Variants in SSU72 observed in about 807,000 individuals in gnomAD.
SSU72 encodes the protein SSU72 homolog, RNA polymerase II CTD phosphatase.
In SSU72, 12 loss-of-function variants were observed where a neutral mutation model predicts 22.7. The observed-to-expected ratio is 0.53, with a 90% CI of 0.34 to 0.86. SSU72 has a LOEUF of 0.86. SSU72 is among the 40% of genes least tolerant of loss of function. The pLI is 0.02. For missense variants in SSU72, 151 were observed against 249.8 expected (o/e 0.60, Z 2.67); for synonymous variants, 116 against 98.3 (o/e 1.18, Z -1.06).
chr1:1,542,223 C>G lies in SSU72; in HGVS notation c.484-56G>C, dbSNP rs1557492937. The G allele has an allele frequency of 1.3e-6, 2 of 1,511,608 alleles. No homozygotes were observed. Among genetic ancestry groups the G allele is most frequent in the African/African-American group, 2.8e-5 (2 of 72,306 alleles). The allele number at this position is 1,511,608 out of a possible 1,614,324, so 93.6% of individuals were successfully genotyped here. ...GCCCACTCCTGCCTGTCTGCTCCCC[C>G]TAACACCTGGATCGCCAGGGAAACG... On this transcript the variant is annotated intron_variant, in intron 4 of 4. Coordinates refer to ENST00000291386, the MANE Select transcript of SSU72 (RefSeq NM_014188.3). This position sits in a 1 kb window ranked among gnomAD's most constrained non-coding sequence, Gnocchi z 4.4.
intron 3 of SSU72, 71 bp downstream of exon 3, chr1:1,544,792 G>C: frequency 1.9e-6 from 3 of 1,605,978 alleles, no homozygotes; most frequent in Non-Finnish European, 2.6e-6. Flanking sequence ...GGTCATGGTG[G>C]GGCCCTGCAG....
intron 4 of SSU72, 144 bp downstream of exon 4, chr1:1,543,725 C>CCTCTGTCATGGCCTCGGCCACTCCCCA (rs79833722): frequency 2.5e-6 from 1 of 393,404 alleles, no homozygotes. Context: ...CGGCCACTCC[C>CCTCTGTCATGGCCTCGGCCACTCCCCA]CTGTCACGGC....
chr1:1,543,075 C>T (rs573801774), intron 4 of SSU72, among the ~76,000 whole-genome samples: 6 of 152,344 alleles, frequency 3.9e-5, no homozygotes, highest in Non-Finnish European at 7.4e-5. Flanking sequence ...GAGGCAGAGG[C>T]GGGACGGTGC....
chr1:1,574,004 G>A (rs577550315), intron 1 of SSU72, among the ~76,000 whole-genome samples: 3 of 145,796 alleles, frequency 2.1e-5, no homozygotes, highest in Non-Finnish European at 4.4e-5. Context: ...TTCCAGGGAG[G>A]AAGAGAGGAT....
intron 2 of SSU72, among the ~76,000 whole-genome samples, chr1:1,557,577 G>A (rs770900496): frequency 3.0e-4 from 45 of 152,048 alleles, no homozygotes; most frequent in Non-Finnish European, 5.4e-4. Context: ...GTGGTTCACC[G>A]GAGGTCAGGT....
rs3831113 is a variant in SSU72, at chr1:1,541,943, GCA to G, written c.*121_*122del. On this transcript the variant is annotated 3_prime_UTR_variant, in exon 5 of 5. Transcript: ENST00000291386. ...TGGCATCTCCTCTCCCATTTCATATGCACAGTTTATTTGGGTAATGCTACCGT... is the reference window on the plus strand; with the variant it reads ...TGGCATCTCCTCTCCCATTTCATATGCAGTTTATTTGGGTAATGCTACCGT... 0.036 allele frequency: 31,625 copies of G among 867,130 alleles called. 2,594 individuals carry two copies. Among genetic ancestry groups the G allele is most frequent in the East Asian group, 0.25 (9,068 of 36,736 alleles). The allele number at this position is 867,130 out of a possible 1,614,324, so 53.7% of individuals were successfully genotyped here.
intron 1 of SSU72, among the ~76,000 whole-genome samples, chr1:1,569,496 G>A (rs762896864): frequency 2.0e-5 from 3 of 152,172 alleles, no homozygotes; most frequent in African/African-American, 7.2e-5. Flanking sequence ...AATTGTTACT[G>A]TGTCTGTTTT....
rs560581999 is a variant in SSU72, at chr1:1,564,524, G to C, written c.224+249C>G. Reference sequence around the variant, plus strand: ...GGTCTACGCTATGTCACGACCCTCTGCTGAACCACGTCAGGGTGAACCCCA... The same window carrying C: ...GGTCTACGCTATGTCACGACCCTCTCCTGAACCACGTCAGGGTGAACCCCA... On this transcript the variant is annotated intron_variant, in intron 2 of 4. Coordinates refer to ENST00000291386, the MANE Select transcript of SSU72 (RefSeq NM_014188.3). 8.0e-5 allele frequency: 123 copies of C among 1,534,908 alleles called. No homozygotes were observed. The African/African-American group carries it at 1.4e-3, about 17-fold the overall frequency.
intron 2 of SSU72, among the ~76,000 whole-genome samples, chr1:1,553,677 G>C (rs1642482002): frequency 6.6e-6 from 1 of 150,948 alleles, no homozygotes; most frequent in Non-Finnish European, 1.5e-5. Flanking sequence ...TGTAGTCCCA[G>C]CTACTCGGGA....
intron 2 of SSU72, among the ~76,000 whole-genome samples, chr1:1,559,759 T>C (rs1642564705): frequency 6.6e-6 from 1 of 151,956 alleles, no homozygotes; most frequent in African/African-American, 2.4e-5. Flanking sequence ...ACAGTTTCAT[T>C]CTGGTTGCCC....
intron 2 of SSU72, chr1:1,561,491 C>G (rs1642591912): frequency 6.6e-6 from 1 of 152,224 alleles, no homozygotes; most frequent in South Asian, 2.1e-4. Flanking sequence ...ATGACTTCTG[C>G]CAACGCACCG....
At chr1:1,565,983 G>C (rs1642656298) in intron 1 of SSU72, among the ~76,000 whole-genome samples, 1 of 152,124 alleles carries the variant, frequency 6.6e-6, no homozygotes, top group Admixed American at 6.6e-5. Context: ...GGCACCGAGT[G>C]CGGTGGCTCA....
At chr1:1,547,351 T>C (rs1642402424) in intron 2 of SSU72, among the ~76,000 whole-genome samples, 1 of 152,234 alleles carries the variant, frequency 6.6e-6, no homozygotes. Context: ...TTCTCAACTA[T>C]TTATGTAGAT....
rs919704118 is a variant in SSU72 at position 1,542,864 on chromosome 1, G to T, written c.484-697C>A. 4.6e-5 allele frequency among the ~76,000 whole-genome samples: 7 copies of T among 152,208 alleles called. No homozygotes were observed. The highest frequency in any genetic ancestry group is 1.5e-5 in the Non-Finnish European group (1 of 68,046). On this transcript the variant is annotated intron_variant, in intron 4 of 4. Transcript: ENST00000291386. The surrounding 1 kb of genome is among the most constrained non-coding windows in gnomAD (Gnocchi z 4.4). Reference sequence around the variant, plus strand: ...CCCTGGCGCTTCAGCAGCCACACTGGACCGTGAGGCACGTGGGGACCAGAA... The same window carrying T: ...CCCTGGCGCTTCAGCAGCCACACTGTACCGTGAGGCACGTGGGGACCAGAA...
At chr1:1,543,050 A>ACAGAGG (rs754419403) in intron 4 of SSU72, among the ~76,000 whole-genome samples, 53 of 151,330 alleles carry the variant, frequency 3.5e-4, no homozygotes, top group African/African-American at 8.6e-4. Flanking sequence ...TCATCAAATC[A>ACAGAGG]CAGAGGCAGA....
At chr1:1,561,177 C>G (rs1037192724) in intron 2 of SSU72, 6 of 152,282 alleles carry the variant, frequency 3.9e-5, no homozygotes, top group African/African-American at 1.4e-4. Flanking sequence ...CTCTGCCTCC[C>G]AGGTTCAAGC....
rs1018913230 is a variant in SSU72 at position 1,554,405 on chromosome 1, C to T, written c.225-9403G>A. 6.6e-6 allele frequency among the ~76,000 whole-genome samples: 1 copy of T among 152,246 alleles called. No individual in the cohort carries two copies. The highest frequency in any genetic ancestry group is 1.5e-5 in the Non-Finnish European group (1 of 68,044). On this transcript the variant is annotated intron_variant, in intron 2 of 4. Coordinates refer to ENST00000291386, the MANE Select transcript of SSU72 (RefSeq NM_014188.3). The surrounding 1 kb of genome is among the most constrained non-coding windows in gnomAD (Gnocchi z 4.1). ...GATCCGGCCCATTTGGGGGTCCCCA[C>T]GAGCCCTCGCTGACCACCCACACCC...
rs565121510 is a variant in SSU72, at chr1:1,545,112, C to T, written c.225-110G>A. On this transcript the variant is annotated intron_variant, in intron 2 of 4. Coordinates refer to ENST00000291386, the MANE Select transcript of SSU72 (RefSeq NM_014188.3). ...TTCCCTGCCCCACAGCAGAGGCAGCCGGGACGAAGGCCTGGACAGCGGAGT... is the reference window on the plus strand; with the variant it reads ...TTCCCTGCCCCACAGCAGAGGCAGCTGGGACGAAGGCCTGGACAGCGGAGT... 2.0e-3 allele frequency: 2,762 copies of T among 1,352,016 alleles called. 4 individuals carry two copies. Among genetic ancestry groups the T allele is most frequent in the Non-Finnish European group, 2.6e-3 (2,591 of 979,626 alleles). 83.8% of individuals were successfully genotyped at this position (1,352,016 alleles called of 1,614,324 possible).
chr1:1,550,966 GA>G (rs1208706335), intron 2 of SSU72, among the ~76,000 whole-genome samples: 3 of 152,018 alleles, frequency 2.0e-5, no homozygotes, highest in African/African-American at 7.3e-5. Context: ...TTCTGCTGTG[GA>G]CACATCCACC....
Sources: gnomAD v4.1 joint callset for allele counts (sites outside exome capture counted in the v4.1 genomes callset) on GRCh38, gnomAD v4.1.1 for gene constraint, Gnocchi (gnomAD v3.1) non-coding constraint, MANE v1.5 for transcripts, NCBI Gene and HGNC (gene_info 2026-07-23, HGNC 2026-07-21) for gene names.